Variants in RPTOR observed in about 807,000 individuals in gnomAD.
RPTOR encodes the protein regulatory associated protein of MTOR complex 1, also known as regulatory-associated protein of mTOR.
RPTOR carries 21 observed loss-of-function variants against 169.9 expected under a neutral mutation model. The observed-to-expected ratio is 0.12, with a 90% CI of 0.09 to 0.18. The LOEUF is 0.18. Ranked by LOEUF, RPTOR falls within the 10% of genes least tolerant of loss-of-function variation. The probability of loss-of-function intolerance (pLI) is 1.00; values close to 1 mark genes in which losing one functional copy is unlikely to be tolerated. For missense variants in RPTOR, 1,133 were observed against 1,855.9 expected (o/e 0.61, Z 7.16); for synonymous variants, 732 against 753.2 (o/e 0.97, Z 0.46).
At chr17:80,634,278 CTGTGTGTGTGCG>C (rs1422107423) in intron 2 of RPTOR, among the ~76,000 whole-genome samples, 8 of 119,972 alleles carry the variant, frequency 6.7e-5, no homozygotes, top group African/African-American at 2.3e-4. Flanking sequence ...TGTGTGCGTA[CTGTGTGTGTGCG>C]TACTGTGTGT....
At chr17:80,575,346 A>G (rs1051240653) in intron 1 of RPTOR, among the ~76,000 whole-genome samples, 1 of 152,212 alleles carries the variant, frequency 6.6e-6, no homozygotes, top group Admixed American at 6.5e-5. Flanking sequence ...TTTTATTTTG[A>G]CTTGATCAAT....
At chr17:80,914,228 C>A (rs572792554) in intron 21 of RPTOR, among the ~76,000 whole-genome samples, 2 of 152,218 alleles carry the variant, frequency 1.3e-5, no homozygotes, top group African/African-American at 4.8e-5. Context: ...AGGCAGGGAC[C>A]GGTGGAATCC....
chr17:80,777,249 GAAAA>G (rs927325280), intron 6 of RPTOR, among the ~76,000 whole-genome samples: 21 of 149,534 alleles, frequency 1.4e-4, no homozygotes, highest in East Asian at 1.2e-3. Context: ...AAAAAAAAAA[GAAAA>G]AAGAAAGTGA....
At chr17:80,944,299 C>T (rs577141124) in intron 25 of RPTOR, among the ~76,000 whole-genome samples, 4 of 152,336 alleles carry the variant, frequency 2.6e-5, no homozygotes, top group Non-Finnish European at 4.4e-5. Flanking sequence ...GGCGACCACA[C>T]CCATGTCTCC....
chr17:80,608,231 C>A (rs761777994), intron 1 of RPTOR, among the ~76,000 whole-genome samples: 29 of 152,248 alleles, frequency 1.9e-4, no homozygotes, highest in Non-Finnish European at 4.0e-4. Context: ...GTGTCCATCT[C>A]CCACTTTGTT....
chr17:80,729,028 C>A (rs903416625), intron 4 of RPTOR, among the ~76,000 whole-genome samples: 1 of 152,216 alleles, frequency 6.6e-6, no homozygotes, highest in South Asian at 2.1e-4. Flanking sequence ...ACACACCCCC[C>A]ACACATCTGC....
chr17:80,771,949 A>AC (rs2066848194), intron 6 of RPTOR, among the ~76,000 whole-genome samples: 1 of 152,296 alleles, frequency 6.6e-6, no homozygotes, highest in East Asian at 1.9e-4. Flanking sequence ...CCTCCCTGGT[A>AC]ACTGGGTCTA....
intron 5 of RPTOR, among the ~76,000 whole-genome samples, chr17:80,745,478 A>AATATACATACATATATTATGT: frequency 6.6e-6 from 1 of 151,680 alleles, no homozygotes; most frequent in Admixed American, 6.6e-5. Flanking sequence ...ATTAAAATCT[A>AATATACATACATATATTATGT]ATATTTGATA....
At chr17:80,687,470 T>C (rs1239150995) in intron 3 of RPTOR, among the ~76,000 whole-genome samples, 1 of 152,210 alleles carries the variant, frequency 6.6e-6, no homozygotes, top group Non-Finnish European at 1.5e-5. Context: ...TATCTATCTG[T>C]GTCCAGGTCT....
At chr17:80,596,037 G>A (rs931430079) in intron 1 of RPTOR, among the ~76,000 whole-genome samples, 1 of 152,168 alleles carries the variant, frequency 6.6e-6, no homozygotes, top group Admixed American at 6.5e-5. Context: ...GAGATGAGCC[G>A]TCCTAGATTG....
rs115785113 is a variant in RPTOR at position 80,929,274 on chromosome 17, C to T, written c.2919+3794C>T. 7.7e-3 allele frequency among the ~76,000 whole-genome samples: 1,179 copies of T among 152,308 alleles called. 12 individuals are homozygous for T. The highest frequency in any genetic ancestry group is 0.027 in the African/African-American group (1,116 of 41,552). ...ACAAAATGCTTGCACGAGCTCTGTG[C>T]TTCTGTAGACTGGAACAAGCACGGG... On this transcript the variant is annotated intron_variant, in intron 24 of 33. Coordinates refer to ENST00000306801, the MANE Select transcript of RPTOR (RefSeq NM_020761.3).
intron 6 of RPTOR, among the ~76,000 whole-genome samples, chr17:80,764,116 T>G (rs1431227311): frequency 6.9e-6 from 1 of 145,468 alleles, no homozygotes; most frequent in Non-Finnish European, 1.5e-5. Context: ...TGACTTCTTT[T>G]GTTATTTTAT....
Position 80,857,915 on chromosome 17 carries a change from C to A in RPTOR, c.1509+15C>A. 4 of 1,594,918 alleles carry A rather than the reference C, an allele frequency of 2.5e-6. No homozygotes were observed. Among genetic ancestry groups the A allele is most frequent in the Non-Finnish European group, 3.4e-6 (4 of 1,163,686 alleles). Reference sequence around the variant, plus strand: ...CAGTGGACAGCGTGAGTATCCCCGCCCTCCTCCCCAGAGTGATGTGAACCT... The same window carrying A: ...CAGTGGACAGCGTGAGTATCCCCGCACTCCTCCCCAGAGTGATGTGAACCT... On this transcript the variant is annotated intron_variant, in intron 13 of 33. Transcript: ENST00000306801.
chr17:80,853,796 G>T (rs1333939011), intron 11 of RPTOR, among the ~76,000 whole-genome samples: 1 of 152,194 alleles, frequency 6.6e-6, no homozygotes, highest in African/African-American at 2.4e-5. Context: ...GCCTAATGCA[G>T]TGAAACCCCG....
At chr17:80,587,337 G>A (rs545701654) in intron 1 of RPTOR, among the ~76,000 whole-genome samples, 3 of 152,352 alleles carry the variant, frequency 2.0e-5, no homozygotes, top group South Asian at 2.1e-4. Flanking sequence ...ACCCGAGATC[G>A]ATTCTGTTGC....
intron 33 of RPTOR, among the ~76,000 whole-genome samples, chr17:80,963,274 G>A (rs868049784): frequency 3.9e-5 from 6 of 152,158 alleles, no homozygotes; most frequent in Admixed American, 6.5e-5. Context: ...CCGTCACTCC[G>A]GGAGGAATTG....
At chr17:80,849,546 G>A (rs1318449152) in intron 11 of RPTOR, among the ~76,000 whole-genome samples, 1 of 152,294 alleles carries the variant, frequency 6.6e-6, no homozygotes, top group African/African-American at 2.4e-5. Flanking sequence ...TTGAGATGGA[G>A]TCTCACTCTG....
At position 80,892,293 on chromosome 17, in the gene RPTOR, G is replaced by A. The variant is rs556020178; in HGVS notation, c.2102-436G>A. On this transcript the variant is annotated intron_variant, in intron 18 of 33. Coordinates refer to ENST00000306801, the MANE Select transcript of RPTOR (RefSeq NM_020761.3). ...CAGCCCCTCCCGCTTCCACACAGCCGTCTCTGCCGTGCAGGGGCTTGTCAT... is the reference window on the plus strand; with the variant it reads ...CAGCCCCTCCCGCTTCCACACAGCCATCTCTGCCGTGCAGGGGCTTGTCAT... Among the ~76,000 whole-genome samples the A allele has an allele frequency of 4.6e-3, 694 of 152,204 alleles. 5 individuals are homozygous for A. The highest frequency in any genetic ancestry group is 7.0e-3 in the Non-Finnish European group (476 of 68,008).
chr17:80,588,470 A>AT (rs1239158009), intron 1 of RPTOR, among the ~76,000 whole-genome samples: 1 of 152,020 alleles, frequency 6.6e-6, no homozygotes, highest in Non-Finnish European at 1.5e-5. Flanking sequence ...CTATCCACTC[A>AT]TTTTTTGTTG....
Sources: allele counts gnomAD v4.1 joint callset (sites outside exome capture counted in the v4.1 genomes callset), GRCh38; gene constraint gnomAD v4.1.1; transcripts MANE v1.5; gene names NCBI Gene and HGNC (gene_info 2026-07-23, HGNC 2026-07-21).